Variants in HMCN1 observed in about 807,000 individuals in gnomAD.
HMCN1 encodes hemicentin 1.
A neutral mutation model predicts 625.9 loss-of-function variants in HMCN1; 321 were observed. The ratio of observed to expected loss-of-function variants is 0.51; its 90% CI spans 0.47 to 0.56. The LOEUF (loss-of-function observed/expected upper bound fraction) is 0.56. HMCN1 is among the 20% of genes least tolerant of loss of function. HMCN1 has a pLI of 0.00. For synonymous variants in HMCN1, 2,425 were observed against 2,417.6 expected (o/e 1.00, Z -0.09); for missense variants, 6,588 against 6,887.3 (o/e 0.96, Z 1.54).
intron 4 of HMCN1, among the ~76,000 whole-genome samples, chr1:185,902,303 T>C (rs73058248): frequency 0.03 from 4,601 of 151,502 alleles, 253 homozygotes; most frequent in African/African-American, 0.11. Flanking sequence ...CTCTGTAAAG[T>C]TGTTTTCTAA....
intron 97 of HMCN1, among the ~76,000 whole-genome samples, chr1:186,155,131 CT>C (rs1220363234): frequency 6.6e-6 from 1 of 152,174 alleles, no homozygotes; most frequent in Non-Finnish European, 1.5e-5. Context: ...AGCAGATATG[CT>C]AAAAATTTAT....
intron 95 of HMCN1, 152 bp from the exon 96 acceptor site, chr1:186,152,598 G>A (rs2102577719): frequency 2.4e-6 from 2 of 842,970 alleles, no homozygotes; most frequent in Middle Eastern, 2.6e-4. Flanking sequence ...TCTTTAATTG[G>A]GAGGTTAAGT....
rs2102488057 is a variant in HMCN1 at position 186,120,031 on chromosome 1, C to G, written c.12115C>G (p.Pro4039Ala). Residue 4039 changes from proline (P) to alanine (A), a missense_variant, in exon 80 of 107, where the codon CCT becomes GCT. This residue lies in a region of HMCN1 where 1,954 missense variants were observed against 2,013.1 expected (regional missense o/e 0.97). Coordinates refer to ENST00000271588, the MANE Select transcript of HMCN1 (RefSeq NM_031935.3). Reference protein sequence around the residue: ...NTSGRNHAVLPSGGLQISRAV... With the variant: ...NTSGRNHAVLASGGLQISRAV... ...TGTAGGCAGAAACCATGCAGTTCTTCCTAGTGGCGGCTTACAGATCTCCAG... is the reference window on the plus strand; with the variant it reads ...TGTAGGCAGAAACCATGCAGTTCTTGCTAGTGGCGGCTTACAGATCTCCAG... 6.2e-7 allele frequency: 1 copy of G among 1,614,014 alleles called. No homozygotes were observed. The highest frequency in any genetic ancestry group is 1.3e-5 in the African/African-American group (1 of 75,018).
intron 4 of HMCN1, among the ~76,000 whole-genome samples, chr1:185,901,554 T>A (rs1665807888): frequency 6.6e-6 from 1 of 151,566 alleles, no homozygotes; most frequent in Non-Finnish European, 1.5e-5. Context: ...ACAGAAAAAA[T>A]TGAATGAGGT....
At chr1:186,018,113 C>T (rs148674623) in intron 33 of HMCN1, 70 bp from the exon 34 acceptor site, 11 of 1,296,270 alleles carry the variant, frequency 8.5e-6, no homozygotes, top group Admixed American at 8.5e-5. Context: ...ACAATAGAAA[C>T]TTTATATATC....
chr1:186,006,051 G>A lies in HMCN1; in HGVS notation c.4476-1077G>A, dbSNP rs578008103. ...CTTGGGAGGCCGAGGCAGGAGAATC[G>A]CTTGAACCCAGGAGGCAGAGGTTGC... On this transcript the variant is annotated intron_variant, in intron 29 of 106. Transcript: ENST00000271588. Among the ~76,000 whole-genome samples the A allele has an allele frequency of 1.6e-3, 235 of 150,822 alleles. 2 individuals carry two copies. The highest frequency in any genetic ancestry group is 4.6e-3 in the African/African-American group (190 of 41,046).
chr1:185,948,678 T>A (rs555961339), intron 11 of HMCN1, among the ~76,000 whole-genome samples: 169 of 151,840 alleles, frequency 1.1e-3, no homozygotes, highest in African/African-American at 3.1e-3. Context: ...TGGGCATATA[T>A]GTGCAAGTCA....
intron 42 of HMCN1, 74 bp downstream of exon 42, chr1:186,048,913 A>G (rs1019023224): frequency 2.3e-6 from 2 of 877,818 alleles, no homozygotes; most frequent in Non-Finnish European, 3.8e-6. Flanking sequence ...ACATTCATCC[A>G]TGTAACTAAA....
intron 103 of HMCN1, among the ~76,000 whole-genome samples, chr1:186,175,064 A>G (rs1571464844): frequency 6.6e-6 from 1 of 152,308 alleles, no homozygotes; most frequent in East Asian, 1.9e-4. Context: ...AGGGACACAC[A>G]ATTTAAATAA....
intron 95 of HMCN1, 107 bp from the exon 96 acceptor site, chr1:186,152,643 G>GT: frequency 7.4e-7 from 1 of 1,355,228 alleles, no homozygotes; most frequent in Non-Finnish European, 1.1e-6. Context: ...ACTTATTCAA[G>GT]TTTGAACTCA....
intron 2 of HMCN1, 49 bp downstream of exon 2, chr1:185,846,145 C>A: frequency 7.4e-7 from 1 of 1,350,414 alleles, no homozygotes; most frequent in Non-Finnish European, 1.1e-6. Context: ...AAATCATGAG[C>A]CTTTGGCTGA....
chr1:185,955,042 G>C (rs1649523176), intron 11 of HMCN1, among the ~76,000 whole-genome samples: 1 of 151,958 alleles, frequency 6.6e-6, no homozygotes, highest in African/African-American at 2.4e-5. Context: ...TGCATGGTTA[G>C]GTCAATATTT....
intron 55 of HMCN1, among the ~76,000 whole-genome samples, chr1:186,078,748 A>G (rs1658980081): frequency 6.6e-6 from 1 of 152,210 alleles, no homozygotes; most frequent in Non-Finnish European, 1.5e-5. Flanking sequence ...GTATCCATCC[A>G]GAGCCAATCA....
At chr1:185,953,993 T>C (rs1027121119) in intron 11 of HMCN1, among the ~76,000 whole-genome samples, 1 of 151,096 alleles carries the variant, frequency 6.6e-6, no homozygotes, top group African/African-American at 2.4e-5. Context: ...GGGGTGCTTT[T>C]TGAGCCAGGA....
At chr1:186,166,470 T>C (rs958601536) in intron 99 of HMCN1, among the ~76,000 whole-genome samples, 167 bp downstream of exon 99, 3 of 152,188 alleles carry the variant, frequency 2.0e-5, no homozygotes, top group Non-Finnish European at 4.4e-5. Context: ...GCAGGAACAC[T>C]GTTCATGCAC....
At position 185,977,922 on chromosome 1, in the gene HMCN1, C is replaced by T; in HGVS notation, c.2507C>T (p.Ser836Leu). The T allele has an allele frequency of 1.2e-6, 2 of 1,613,388 alleles. No individual in the cohort carries two copies. Among genetic ancestry groups the T allele is most frequent in the Non-Finnish European group, 1.7e-6 (2 of 1,179,566 alleles). The change falls in exon 16 of 107, where the codon TCA becomes TTA. Residue 836 changes from serine to leucine, a missense_variant. Transcript: ENST00000271588. ...WRRLDNMPIF[S>L]RPFSVSSISQ... The stretch of plus-strand genomic sequence containing the variant: ...AGATTAGACAACATGCCAATTTTCT[C>T]AAGACCTTTTTCAGTTAGTTCCATC...
Position 186,114,954 on chromosome 1 carries a change from T to C in HMCN1, c.11404+8T>C. On this transcript the variant is annotated splice_region_variant and intron_variant, in intron 74 of 106. Transcript: ENST00000271588. ...TAGATTTACAGGTCCATGGTAAATATCCGTTTATAGACAACATCCGGTCTC... is the reference window on the plus strand; with the variant it reads ...TAGATTTACAGGTCCATGGTAAATACCCGTTTATAGACAACATCCGGTCTC... 6.2e-7 allele frequency: 1 copy of C among 1,614,192 alleles called. No individual in the cohort carries two copies. The highest frequency in any genetic ancestry group is 8.5e-7 in the Non-Finnish European group (1 of 1,180,020).
intron 100 of HMCN1, among the ~76,000 whole-genome samples, chr1:186,167,889 A>C (rs1412968736): frequency 6.6e-6 from 1 of 152,162 alleles, no homozygotes; most frequent in African/African-American, 2.4e-5. Context: ...AGTGAAGGAC[A>C]TCTCAATTGC....
chr1:185,859,018 GATGTGTGT>G (rs1662687798), intron 2 of HMCN1, among the ~76,000 whole-genome samples: 1 of 109,992 alleles, frequency 9.1e-6, no homozygotes, highest in East Asian at 2.6e-4. Context: ...GTGGGTTAAA[GATGTGTGT>G]GTGTGTGTGT....
Sources: allele counts gnomAD v4.1 joint callset (sites outside exome capture counted in the v4.1 genomes callset), GRCh38; gene constraint gnomAD v4.1.1; regional missense constraint gnomAD v4.1.1; transcripts MANE v1.5; gene names NCBI Gene and HGNC (gene_info 2026-07-23, HGNC 2026-07-21).